The following RPS6KA2 variants were observed in gnomAD, a reference collection of about 807,000 sequenced individuals.
RPS6KA2 encodes the protein ribosomal protein S6 kinase alpha-2.
A neutral mutation model predicts 91.8 loss-of-function variants in RPS6KA2; 42 were observed. The ratio of observed to expected loss-of-function variants is 0.46; its 90% CI spans 0.36 to 0.59. The LOEUF (loss-of-function observed/expected upper bound fraction) is 0.59, where lower values mean the gene tolerates loss of function less well. RPS6KA2 is among the 20% of genes least tolerant of loss of function. The probability of loss-of-function intolerance (pLI) is 0.00; values close to 1 mark genes in which losing one functional copy is unlikely to be tolerated. For missense variants in RPS6KA2, 798 were observed against 978.5 expected (o/e 0.82, Z 2.46); for synonymous variants, 414 against 393.6 (o/e 1.05, Z -0.61).
chr6:166,554,712 T>A lies in RPS6KA2; in HGVS notation c.100-15928A>T, dbSNP rs887059454. 3.9e-5 allele frequency among the ~76,000 whole-genome samples: 6 copies of A among 152,158 alleles called. No individual in the cohort carries two copies. Among genetic ancestry groups the A allele is most frequent in the African/African-American group, 1.4e-4 (6 of 41,440 alleles). ...CAACCTGCTGTCTGAAAGGGTTTTG[T>A]TTTTTTGTTTTTTTCTAAGCAAACA... is the stretch of plus-strand genomic sequence containing the variant. On this transcript the variant is annotated intron_variant, in intron 1 of 20. Transcript: ENST00000265678. This position sits in a 1 kb window ranked among gnomAD's most constrained non-coding sequence, Gnocchi z 4.3.
At chr6:166,854,304 C>T (rs9366066) in intron 2 of RPS6KA2, among the ~76,000 whole-genome samples, 88,713 of 152,100 alleles carry the variant, frequency 0.58, 29,841 homozygotes, top group Non-Finnish European at 0.75. Flanking sequence ...GGAAGCTGCA[C>T]AGAACCGTAA....
At chr6:166,587,962 T>C (rs1470857564) in intron 1 of RPS6KA2, among the ~76,000 whole-genome samples, 3 of 152,214 alleles carry the variant, frequency 2.0e-5, no homozygotes, top group Admixed American at 6.5e-5. Flanking sequence ...TATTTTGTTT[T>C]TTATCTGTTT....
At chr6:166,629,908 C>T (rs557849576), upstream of RPS6KA2, among the ~76,000 whole-genome samples, 33 of 151,900 alleles carry the variant, frequency 2.2e-4, no homozygotes, top group Non-Finnish European at 4.9e-4. Flanking sequence ...TCATTTGTGA[C>T]ACAAAATGAT....
intron 2 of RPS6KA2, among the ~76,000 whole-genome samples, chr6:166,855,235 A>G (rs1392989491): frequency 6.6e-6 from 1 of 152,198 alleles, no homozygotes; most frequent in Non-Finnish European, 1.5e-5. Flanking sequence ...TTCTGTGGTC[A>G]CTGTTCTGGT....
intron 19 of RPS6KA2, among the ~76,000 whole-genome samples, 174 bp from the exon 20 acceptor site, chr6:166,414,105 T>C (rs373730655): frequency 7.2e-5 from 11 of 152,220 alleles, no homozygotes; most frequent in African/African-American, 2.7e-4. Flanking sequence ...ATGTCAATGG[T>C]TTTTAGCTTT....
intron 10 of RPS6KA2, among the ~76,000 whole-genome samples, chr6:166,475,335 A>G (rs564595083): frequency 4.1e-4 from 62 of 152,118 alleles, no homozygotes; most frequent in Non-Finnish European, 7.4e-4. Context: ...CGTACTCCCG[A>G]GCGTGGCCCG....
chr6:166,736,768 C>T (rs1225960955), intron 2 of RPS6KA2, among the ~76,000 whole-genome samples: 2 of 152,310 alleles, frequency 1.3e-5, no homozygotes, highest in Non-Finnish European at 2.9e-5. Flanking sequence ...GAGCTCTCCT[C>T]TCAGCTGGAA....
At position 166,851,523 on chromosome 6, in the gene RPS6KA2, G is replaced by T. The variant is rs574302910; in HGVS notation, c.123+6677C>A. On this transcript the variant is annotated intron_variant, in intron 2 of 21. Coordinates refer to the RPS6KA2 transcript ENST00000503859. ...ACTGCTCTGCCCCAGAGGCTACAAGGAAGCCCCCACAGGCCATTTGCTGGT... is the reference window on the plus strand; with the variant it reads ...ACTGCTCTGCCCCAGAGGCTACAAGTAAGCCCCCACAGGCCATTTGCTGGT... Among the ~76,000 whole-genome samples, 3 of 152,266 alleles carry T rather than the reference G, an allele frequency of 2.0e-5. No homozygotes were observed. In the South Asian group the frequency reaches 6.2e-4, roughly 32 times the overall value.
At chr6:166,700,749 A>C (rs1291310195) in intron 2 of RPS6KA2, among the ~76,000 whole-genome samples, 1 of 152,202 alleles carries the variant, frequency 6.6e-6, no homozygotes, top group Non-Finnish European at 1.5e-5. Context: ...TAGTGAAAGC[A>C]TCATTAAGCC....
At chr6:166,627,747 C>G (rs985484434), upstream of RPS6KA2, 1 of 152,280 alleles carries the variant, frequency 6.6e-6, no homozygotes, top group Non-Finnish European at 1.5e-5. Flanking sequence ...GCTGCTCTTT[C>G]TTCCAGCTTG....
chr6:166,763,361 C>A (rs1008289334), intron 2 of RPS6KA2, among the ~76,000 whole-genome samples: 1 of 152,168 alleles, frequency 6.6e-6, no homozygotes, highest in Non-Finnish European at 1.5e-5. Context: ...ACAGTTAAGA[C>A]CCTAAAGCCA....
intron 1 of RPS6KA2, among the ~76,000 whole-genome samples, chr6:166,550,763 G>T (rs1025873335): frequency 2.6e-5 from 4 of 152,072 alleles, no homozygotes; most frequent in Non-Finnish European, 4.4e-5. Context: ...AGCACTTTGG[G>T]AGGCCAAGGC....
In RPS6KA2 at chr6:166,757,045, A is replaced by C. The variant is rs150431708; in HGVS notation, c.123+101155T>G. ...TGCACTTAAAAATGGTTAAAACTGA[A>C]AAATCTTACGCACATTTCACCATCA... On this transcript the variant is annotated intron_variant, in intron 2 of 21. Coordinates refer to the RPS6KA2 transcript ENST00000503859. 2.8e-3 allele frequency among the ~76,000 whole-genome samples: 430 copies of C among 152,234 alleles called. 1 individual carries two copies. The highest frequency in any genetic ancestry group is 9.9e-3 in the African/African-American group (413 of 41,530).
At chr6:166,673,091 C>T (rs542618938) in intron 2 of RPS6KA2, among the ~76,000 whole-genome samples, 36 of 152,250 alleles carry the variant, frequency 2.4e-4, no homozygotes, top group African/African-American at 8.4e-4. Flanking sequence ...TAGGTGCACA[C>T]TCACTGTAAA....
intron 2 of RPS6KA2, among the ~76,000 whole-genome samples, chr6:166,774,198 G>A (rs655298): frequency 0.13 from 20,361 of 152,120 alleles, 3,877 homozygotes; most frequent in African/African-American, 0.42. Context: ...AAAGCTGCCA[G>A]CCAAATTTTA....
In RPS6KA2 at chr6:166,775,945, G is replaced by A. The variant is rs75242149; in HGVS notation, c.123+82255C>T. 9.9e-3 allele frequency among the ~76,000 whole-genome samples: 1,002 copies of A among 100,898 alleles called. 9 individuals carry two copies. Among genetic ancestry groups the A allele is most frequent in the African/African-American group, 0.046 (967 of 21,064 alleles). 66.2% of individuals were successfully genotyped at this position (100,898 alleles called of 152,430 possible). A position where few individuals can be genotyped will look rare whatever the true frequency, so the allele number is the denominator to read the frequency against. ...TGTGGACAGTCAGGAAGACAGACAC[G>A]CGTGGAGGGCCAGAACTGGAAGTGA... On this transcript the variant is annotated intron_variant, in intron 2 of 21. Transcript: ENST00000503859.
At chr6:166,779,972 A>G (rs923752982) in intron 2 of RPS6KA2, among the ~76,000 whole-genome samples, 6 of 152,224 alleles carry the variant, frequency 3.9e-5, no homozygotes, top group Non-Finnish European at 7.3e-5. Context: ...GGATACCACC[A>G]TATTTTAAAA....
At chr6:166,824,544 G>A (rs554912194) in intron 2 of RPS6KA2, among the ~76,000 whole-genome samples, 1 of 152,230 alleles carries the variant, frequency 6.6e-6, no homozygotes, top group South Asian at 2.1e-4. Context: ...GTGTGTGTGA[G>A]TGTGTCTATA....
rs1287690914 is a variant in RPS6KA2 at position 166,418,813 on chromosome 6, A to G, written c.1821-471T>C. Among the ~76,000 whole-genome samples the G allele has an allele frequency of 6.6e-6, 1 of 152,274 alleles. No homozygotes were observed. The highest frequency in any genetic ancestry group is 1.5e-5 in the Non-Finnish European group (1 of 68,044). ...ACAAATACACATACATGCTTGGTGC[A>G]GCTCTGGCCATATTCCAAGCGCGTG... On this transcript the variant is annotated intron_variant, in intron 18 of 20. Transcript: ENST00000265678. This position sits in a 1 kb window ranked among gnomAD's most constrained non-coding sequence, Gnocchi z 4.9.
Sources: gnomAD v4.1 joint callset for allele counts (sites outside exome capture counted in the v4.1 genomes callset) on GRCh38, gnomAD v4.1.1 for gene constraint, Gnocchi (gnomAD v3.1) non-coding constraint, MANE v1.5 for transcripts, NCBI Gene and HGNC (gene_info 2026-07-23, HGNC 2026-07-21) for gene names.